The following SEMA3A variants were observed in gnomAD, a reference collection of about 807,000 sequenced individuals.
SEMA3A encodes semaphorin-3A.
Under a neutral mutation model 97.9 loss-of-function variants are expected in SEMA3A, and 29 were observed. The ratio of observed to expected loss-of-function variants is 0.30; its 90% confidence interval spans 0.22 to 0.40. The LOEUF (loss-of-function observed/expected upper bound fraction) is 0.40. Ranked by LOEUF, SEMA3A falls within the 10% of genes least tolerant of loss-of-function variation. The pLI is 1.00. For synonymous variants in SEMA3A, 321 were observed against 323.7 expected, an observed-to-expected ratio of 0.99 and a Z score of 0.09; for missense variants, 763 against 951.3, an observed-to-expected ratio of 0.80 and a Z score of 2.60.
intron 1 of SEMA3A, among the ~76,000 whole-genome samples, chr7:84,141,727 C>G (rs1796297965): frequency 6.6e-6 from 1 of 152,116 alleles, no homozygotes; most frequent in Admixed American, 6.6e-5. Flanking sequence ...TATTGTTCCC[C>G]TCTATGTGTC....
At chr7:84,052,793 A>G (rs1792743667) in intron 5 of SEMA3A, among the ~76,000 whole-genome samples, 1 of 148,630 alleles carries the variant, frequency 6.7e-6, no homozygotes, top group Non-Finnish European at 1.5e-5. Flanking sequence ...TAGTTCTTTT[A>G]GTTGTGATGT....
At chr7:84,166,186 G>T (rs1227371996) in intron 1 of SEMA3A, among the ~76,000 whole-genome samples, 2 of 151,944 alleles carry the variant, frequency 1.3e-5, no homozygotes, top group African/African-American at 4.8e-5. Context: ...TGAGGTAGGA[G>T]GATCACTTGG....
chr7:84,415,660 G>T (rs1263757959), intron 1 of SEMA3A, among the ~76,000 whole-genome samples: 1 of 151,924 alleles, frequency 6.6e-6, no homozygotes, highest in Non-Finnish European at 1.5e-5. Flanking sequence ...CTTCAGGTTT[G>T]GAATTTTTTA....
At chr7:84,277,184 C>A (rs1272297271) in intron 3 of SEMA3A, among the ~76,000 whole-genome samples, 1 of 151,994 alleles carries the variant, frequency 6.6e-6, no homozygotes, top group Non-Finnish European at 1.5e-5. Flanking sequence ...ATAACAAAGG[C>A]CTTTTAATCT....
At chr7:83,992,624 T>C (rs948611557) in intron 12 of SEMA3A, among the ~76,000 whole-genome samples, 7 of 151,714 alleles carry the variant, frequency 4.6e-5, no homozygotes, top group Admixed American at 6.6e-5. Flanking sequence ...TGTAGTTGAG[T>C]GGTTTTGAGT....
intron 12 of SEMA3A, among the ~76,000 whole-genome samples, chr7:83,992,573 T>C (rs1423594104): frequency 6.6e-6 from 1 of 152,000 alleles, no homozygotes; most frequent in African/African-American, 2.4e-5. Flanking sequence ...CATTTCCTTA[T>C]GTACCCAGTA....
chr7:84,149,219 G>GA (rs1049850835), intron 1 of SEMA3A, among the ~76,000 whole-genome samples: 4 of 152,080 alleles, frequency 2.6e-5, no homozygotes, highest in Admixed American at 1.3e-4. Context: ...TGATGGCACA[G>GA]AAAAAATAAA....
intron 3 of SEMA3A, among the ~76,000 whole-genome samples, chr7:84,237,083 C>T (rs999753058): frequency 3.3e-5 from 5 of 151,844 alleles, no homozygotes; most frequent in Non-Finnish European, 7.4e-5. Flanking sequence ...AAAAGCAATG[C>T]CCAACATTAA....
intron 1 of SEMA3A, among the ~76,000 whole-genome samples, chr7:84,411,659 T>C (rs2074582367): frequency 6.6e-6 from 1 of 151,922 alleles, no homozygotes; most frequent in Non-Finnish European, 1.5e-5. Flanking sequence ...CATTTCAAAA[T>C]CTGTGTAAAC....
chr7:84,044,898 G>A (rs1792288872), intron 6 of SEMA3A, among the ~76,000 whole-genome samples: 1 of 152,036 alleles, frequency 6.6e-6, no homozygotes, highest in Non-Finnish European at 1.5e-5. Context: ...GCCATTAAAA[G>A]CCAAGGCTGA....
chr7:84,260,674 C>A (rs1417622426), intron 3 of SEMA3A, among the ~76,000 whole-genome samples: 2 of 152,166 alleles, frequency 1.3e-5, no homozygotes, highest in Non-Finnish European at 2.9e-5. Context: ...CTAGCCCCTG[C>A]TGCCTTGGCT....
At chr7:83,965,414 A>G (rs1046677441) in intron 15 of SEMA3A, among the ~76,000 whole-genome samples, 16 of 151,114 alleles carry the variant, frequency 1.1e-4, no homozygotes, top group Non-Finnish European at 2.1e-4. Flanking sequence ...TCCTAGGTCT[A>G]TTTTCCCAGG....
At chr7:84,136,724 AT>A (rs970248756) in intron 1 of SEMA3A, among the ~76,000 whole-genome samples, 4 of 150,762 alleles carry the variant, frequency 2.7e-5, no homozygotes, top group East Asian at 2.0e-4. Flanking sequence ...CCTAACTCAC[AT>A]TTTTTTTTCA....
intron 3 of SEMA3A, among the ~76,000 whole-genome samples, chr7:84,277,875 T>G (rs1272894933): frequency 6.6e-6 from 1 of 152,110 alleles, no homozygotes; most frequent in African/African-American, 2.4e-5. Flanking sequence ...GTATTTGGCT[T>G]CCTTTTTGTT....
At chr7:83,991,941 A>G (rs1240424759) in intron 12 of SEMA3A, among the ~76,000 whole-genome samples, 1 of 147,526 alleles carries the variant, frequency 6.8e-6, no homozygotes, top group Non-Finnish European at 1.5e-5. Flanking sequence ...CTGTGAATCC[A>G]TCTGGTCCTG....
At chr7:84,082,595 T>C (rs1583934201) in intron 4 of SEMA3A, among the ~76,000 whole-genome samples, 2 of 152,184 alleles carry the variant, frequency 1.3e-5, no homozygotes, top group Middle Eastern at 6.8e-3. Flanking sequence ...TTCCTTACTT[T>C]AAAAAGAAAA....
rs540471758 is a variant in SEMA3A, at chr7:84,289,756, C to A, written c.-83+17451G>T. 6.3e-4 allele frequency among the ~76,000 whole-genome samples: 96 copies of A among 152,218 alleles called. 2 individuals are homozygous for A. In the Middle Eastern group the frequency reaches 0.014, roughly 22 times the overall value. ...TACATACTGTTACCATGTGATCTAGCAATTCCACTTGTAGATATGTACCAA... is the reference window on the plus strand; with the variant it reads ...TACATACTGTTACCATGTGATCTAGAAATTCCACTTGTAGATATGTACCAA... On this transcript the variant is annotated intron_variant, in intron 3 of 3. Coordinates refer to the SEMA3A transcript ENST00000424555.
At chr7:84,081,752 T>C (rs996493846) in intron 4 of SEMA3A, among the ~76,000 whole-genome samples, 2 of 152,056 alleles carry the variant, frequency 1.3e-5, no homozygotes, top group African/African-American at 4.8e-5. Flanking sequence ...GGACTACTTA[T>C]TACATCCATA....
chr7:84,480,798 T>G (rs1348946597), intron 1 of SEMA3A, among the ~76,000 whole-genome samples: 1 of 152,202 alleles, frequency 6.6e-6, no homozygotes, highest in Non-Finnish European at 1.5e-5. Flanking sequence ...TGTCTATGTT[T>G]AATCATCTTT....
Sources: allele counts gnomAD v4.1 joint callset (sites outside exome capture counted in the v4.1 genomes callset), GRCh38; gene constraint gnomAD v4.1.1; transcripts MANE v1.5; gene names NCBI Gene and HGNC (gene_info 2026-07-23, HGNC 2026-07-21).